PMPCA: variants seen among roughly 807,000 people sequenced by gnomAD.
PMPCA encodes peptidase, mitochondrial processing subunit alpha.
A neutral mutation model predicts 59.3 loss-of-function variants in PMPCA; 47 were observed. That is an observed-to-expected ratio of 0.79 (90% CI 0.63 to 1.01). The LOEUF is 1.01. Ranked by LOEUF, PMPCA falls within the 50% of genes least tolerant of loss-of-function variation. PMPCA has a pLI of 0.00. For missense variants in PMPCA, 726 were observed against 704.5 expected, an observed-to-expected ratio of 1.03 and a Z score of -0.34; for synonymous variants, 338 against 290.3, an observed-to-expected ratio of 1.16 and a Z score of -1.67.
chr9:136,422,731 T>C, intron 12 of PMPCA: 12 of 1,073,328 alleles, frequency 1.1e-5, no homozygotes, highest in Non-Finnish European at 1.4e-5. Flanking sequence ...CCTTTGGCCT[T>C]CTCTCACCCC....
Position 136,412,578 on chromosome 9 carries a change from C to T in PMPCA, c.354+9C>T. The T allele has an allele frequency of 6.8e-7, 1 of 1,474,780 alleles. No homozygotes were observed. The highest frequency in any genetic ancestry group is 9.4e-7 in the Non-Finnish European group (1 of 1,059,350). 91.4% of individuals were successfully genotyped at this position (1,474,780 alleles called of 1,614,324 possible). A position where few individuals can be genotyped will look rare whatever the true frequency, so the allele number is the denominator to read the frequency against. On this transcript the variant is annotated intron_variant, in intron 3 of 12. Transcript: ENST00000371717. ...AAAAATTGGCATTTTCGGTCAGTAC[C>T]CAGTTTTGTAATTTTTTAGACTATA... is the stretch of plus-strand genomic sequence containing the variant.
rs911035710 is a variant in PMPCA, at chr9:136,418,183, C to G, written c.990+74C>G. 5.5e-6 allele frequency: 6 copies of G among 1,092,446 alleles called. No individual in the cohort carries two copies. In the African/African-American group the frequency reaches 7.7e-5, roughly 14 times the overall value. 67.7% of individuals were successfully genotyped at this position (1,092,446 alleles called of 1,614,324 possible). A position where few individuals can be genotyped will look rare whatever the true frequency, so the allele number is the denominator to read the frequency against. The stretch of plus-strand genomic sequence containing the variant: ...GCTCAGCCAGCCCTGCCCTCTGTCC[C>G]TGGCATCCGACAGCGCTCCTGATGG... On this transcript the variant is annotated intron_variant, in intron 8 of 12. Coordinates refer to ENST00000371717, the MANE Select transcript of PMPCA (RefSeq NM_015160.3).
Position 136,412,542 on chromosome 9 carries a change from T to A in PMPCA, c.327T>A (p.Ala109=), listed in dbSNP as rs1411122664. Residue 109 remains alanine (A), a synonymous_variant, in exon 3 of 13, where the codon GCT becomes GCA. Coordinates refer to ENST00000371717, the MANE Select transcript of PMPCA (RefSeq NM_015160.3). ...RYEAKYLSGI[A]HFLEKLAFSS... ...AAGCGAAATACCTTAGTGGAATTGC[T>A]CACTTTTTGGAAAAATTGGCATTTT... 10 of 1,601,204 alleles carry A rather than the reference T, an allele frequency of 6.2e-6. No individual in the cohort carries two copies. The highest frequency in any genetic ancestry group is 8.5e-6 in the Non-Finnish European group (10 of 1,170,150).
intron 3 of PMPCA, 104 bp downstream of exon 3, chr9:136,412,673 T>C: frequency 1.3e-6 from 1 of 783,724 alleles, no homozygotes; most frequent in East Asian, 2.5e-5. Context: ...GTTGCTAAGT[T>C]AATGTTAATA....
Position 136,417,915 on chromosome 9 carries a change from C to T in PMPCA, c.898-102C>T, listed in dbSNP as rs1835327925. ...GGCATGAGCCACTGTGCCTGGCTGGCATTGGATTTCTGTGTAACCACTCTG... is the reference window on the plus strand; with the variant it reads ...GGCATGAGCCACTGTGCCTGGCTGGTATTGGATTTCTGTGTAACCACTCTG... On this transcript the variant is annotated intron_variant, in intron 7 of 12. Transcript: ENST00000371717. 1.0e-5 allele frequency: 9 copies of T among 858,244 alleles called. No homozygotes were observed. The Admixed American group carries it at 1.6e-4, about 15-fold the overall frequency. 53.2% of individuals were successfully genotyped at this position (858,244 alleles called of 1,614,324 possible). A position where few individuals can be genotyped will look rare whatever the true frequency, so the allele number is the denominator to read the frequency against.
Position 136,423,548 on chromosome 9 carries a change from G to A in PMPCA, c.*284G>A, listed in dbSNP as rs1199776947. ...CGGTCGGTGCTTCCCTCCTCGGGCTGTGGGCACATGGGGCCCCGCAGGTTC... is the reference window on the plus strand; with the variant it reads ...CGGTCGGTGCTTCCCTCCTCGGGCTATGGGCACATGGGGCCCCGCAGGTTC... On this transcript the variant is annotated 3_prime_UTR_variant, in exon 13 of 13. Transcript: ENST00000371717. 2 of 373,936 alleles carry A rather than the reference G, an allele frequency of 5.3e-6. No individual in the cohort carries two copies. Among genetic ancestry groups the A allele is most frequent in the East Asian group, 4.9e-5 (1 of 20,248 alleles). The allele number at this position is 373,936 out of a possible 1,614,324, so 23.2% of individuals were successfully genotyped here.
chr9:136,414,519 G>T (rs769122772), intron 4 of PMPCA, 34 bp from the exon 5 acceptor site: 30 of 1,411,916 alleles, frequency 2.1e-5, no homozygotes, highest in Middle Eastern at 1.9e-4. Context: ...TGTGAGTTCA[G>T]GGCCTGGCAT....
rs760602848 is a variant in PMPCA, at chr9:136,412,039, C to T, written c.114C>T (p.Ala38=). The T allele has an allele frequency of 8.8e-5, 142 of 1,613,284 alleles. No individual in the cohort carries two copies. Among genetic ancestry groups the T allele is most frequent in the Non-Finnish European group, 1.1e-4 (124 of 1,179,418 alleles). Residue 38 remains alanine, a synonymous_variant, in exon 2 of 13, where the codon GCC becomes GCT. Coordinates refer to ENST00000371717, the MANE Select transcript of PMPCA (RefSeq NM_015160.3). ...PAYRRFSSGG[A]YPNIPLSSPL... Reference sequence around the variant, plus strand: ...ACAGACGGTTTAGTAGTGGTGGTGCCTATCCCAACATCCCCCTCTCTTCTC... The same window carrying T: ...ACAGACGGTTTAGTAGTGGTGGTGCTTATCCCAACATCCCCCTCTCTTCTC...
chr9:136,413,072 G>A, intron 4 of PMPCA, 180 bp downstream of exon 4: 1 of 557,006 alleles, frequency 1.8e-6, no homozygotes, highest in Non-Finnish European at 3.2e-6. Flanking sequence ...ACAGCCCCCA[G>A]GAGCTCAGTT....
At chr9:136,422,530 C>T in intron 12 of PMPCA, 1 of 1,016,538 alleles carries the variant, frequency 9.8e-7, no homozygotes, top group African/African-American at 1.7e-5. Flanking sequence ...TATGGTGTCA[C>T]CTGTGGGCAT....
Position 136,417,136 on chromosome 9 carries a change from G to T in PMPCA, c.819G>T (p.Gly273=), listed in dbSNP as rs763773047. 6.2e-7 allele frequency: 1 copy of T among 1,613,366 alleles called. No individual in the cohort carries two copies. Residue 273 remains glycine (G), a synonymous_variant, in exon 7 of 13, where the codon GGG becomes GGT. Coordinates refer to ENST00000371717, the MANE Select transcript of PMPCA (RefSeq NM_015160.3). ...LVDCARKYLL[G]VQPAWGSAEA... The stretch of plus-strand genomic sequence containing the variant: ...ACTGTGCCCGGAAGTACCTCCTGGG[G>T]GTCCAGCCGGCCTGGGGGAGCGCAG...
rs1255569413 is a variant in PMPCA, at chr9:136,412,710, T to G, written c.355-100T>G. ...AAGACTTTTAAGTTAAAAGATAATTTTTGTATGTGTGTTAAAAGCAAAAGT... is the reference window on the plus strand; with the variant it reads ...AAGACTTTTAAGTTAAAAGATAATTGTTGTATGTGTGTTAAAAGCAAAAGT... On this transcript the variant is annotated intron_variant, in intron 3 of 12. Coordinates refer to ENST00000371717, the MANE Select transcript of PMPCA (RefSeq NM_015160.3). 9 of 829,072 alleles carry G rather than the reference T, an allele frequency of 1.1e-5. No individual in the cohort carries two copies. In the Admixed American group the frequency reaches 1.8e-4, roughly 16 times the overall value. The allele number at this position is 829,072 out of a possible 1,614,324, so 51.4% of individuals were successfully genotyped here.
intron 8 of PMPCA, 70 bp from the exon 9 acceptor site, chr9:136,418,485 T>C: frequency 2.0e-6 from 2 of 983,208 alleles, no homozygotes; most frequent in Non-Finnish European, 3.2e-6. Context: ...CTGCCCTCCG[T>C]CCCTGGCGTC....
chr9:136,414,163 C>T (rs1298341156), intron 4 of PMPCA, among the ~76,000 whole-genome samples: 1 of 152,224 alleles, frequency 6.6e-6, no homozygotes, highest in Non-Finnish European at 1.5e-5. Flanking sequence ...TGAAACACTT[C>T]ACCTTTTGAG....
intron 12 of PMPCA, 110 bp downstream of exon 12, chr9:136,422,086 C>T: frequency 6.5e-7 from 1 of 1,546,736 alleles, no homozygotes; most frequent in East Asian, 2.5e-5. Flanking sequence ...TCCATCACAC[C>T]CAGAATCTGG....
chr9:136,411,859 A>G lies in PMPCA; in HGVS notation c.72-138A>G, dbSNP rs1835128351. On this transcript the variant is annotated intron_variant, in intron 1 of 12. Transcript: ENST00000371717. ...TTGTCAGCCTCTGCTTTGTCTTCCA[A>G]AGTCTGTAGAAATAAGTCCTGTAGA... 3 of 650,680 alleles carry G rather than the reference A, an allele frequency of 4.6e-6. No homozygotes were observed. In the South Asian group the frequency reaches 5.5e-5, roughly 12 times the overall value. The allele number at this position is 650,680 out of a possible 1,614,324, so 40.3% of individuals were successfully genotyped here. A position where few individuals can be genotyped will look rare whatever the true frequency, so the allele number is the denominator to read the frequency against.
intron 4 of PMPCA, among the ~76,000 whole-genome samples, chr9:136,413,626 A>AGG (rs1421987070): frequency 1.3e-5 from 2 of 152,174 alleles, no homozygotes; most frequent in African/African-American, 4.8e-5. Context: ...CCTGACTCCC[A>AGG]GCTGCCCCTG....
At chr9:136,410,801 C>T in intron 1 of PMPCA, 62 bp downstream of exon 1, 5 of 1,295,898 alleles carry the variant, frequency 3.9e-6, no homozygotes, top group East Asian at 2.9e-5. Flanking sequence ...TTTCTGGACG[C>T]TCCGTCTTCG....
chr9:136,414,001 C>T (rs893392518), intron 4 of PMPCA, among the ~76,000 whole-genome samples: 2 of 152,216 alleles, frequency 1.3e-5, no homozygotes, highest in African/African-American at 2.4e-5. Context: ...CAGCTCTGTG[C>T]ACTTCTGACT....
Sources: gnomAD v4.1 joint callset for allele counts (sites outside exome capture counted in the v4.1 genomes callset) on GRCh38, gnomAD v4.1.1 for gene constraint, MANE v1.5 for transcripts, NCBI Gene and HGNC (gene_info 2026-07-23, HGNC 2026-07-21) for gene names.